The following GTF2H5 variants were observed in gnomAD, a reference collection of about 807,000 sequenced individuals.
GTF2H5 encodes the protein general transcription factor IIH subunit 5, also known as TFB5 ortholog.
In GTF2H5, 5 loss-of-function variants were observed where a neutral mutation model predicts 7.1. That is an observed-to-expected ratio of 0.71 (90% CI 0.37 to 1.49). The LOEUF (loss-of-function observed/expected upper bound fraction) is 1.49. GTF2H5 is among the 40% of genes most tolerant of loss of function. The probability of loss-of-function intolerance (pLI) is 0.03; values close to 1 mark genes in which losing one functional copy is unlikely to be tolerated. For missense variants in GTF2H5, 80 were observed against 83.0 expected (o/e 0.96, Z 0.14); for synonymous variants, 30 against 31.7 (o/e 0.95, Z 0.18).
intron 2 of GTF2H5, among the ~76,000 whole-genome samples, chr6:158,171,025 C>T (rs1451554732): frequency 2.0e-5 from 3 of 152,170 alleles, no homozygotes; most frequent in Non-Finnish European, 2.9e-5. Context: ...TCTGTGGACA[C>T]TCCCATTGTC....
intron 1 of GTF2H5, among the ~76,000 whole-genome samples, chr6:158,169,601 C>CATATA (rs1554267035): frequency 4.5e-5 from 2 of 44,558 alleles, no homozygotes; most frequent in East Asian, 1.5e-3. Flanking sequence ...TTGTATATTA[C>CATATA]ATATATTGTA....
intron 2 of GTF2H5, among the ~76,000 whole-genome samples, chr6:158,187,629 G>A (rs1409290812): frequency 2.6e-5 from 4 of 151,918 alleles, no homozygotes; most frequent in Admixed American, 6.6e-5. Flanking sequence ...GTTCAGTGGC[G>A]CGATCTTGGC....
intron 2 of GTF2H5, among the ~76,000 whole-genome samples, chr6:158,176,035 CT>C (rs1379283928): frequency 6.6e-6 from 1 of 152,164 alleles, no homozygotes; most frequent in East Asian, 1.9e-4. Flanking sequence ...CACAACAGCC[CT>C]TTGAGGTAAG....
At chr6:158,188,260 C>G (rs1382487442) in intron 2 of GTF2H5, among the ~76,000 whole-genome samples, 2 of 152,166 alleles carry the variant, frequency 1.3e-5, no homozygotes, top group Admixed American at 1.3e-4. Flanking sequence ...AGCCATCATA[C>G]CTGTCTACTG....
At chr6:158,174,411 C>T (rs1250300845) in intron 2 of GTF2H5, among the ~76,000 whole-genome samples, 1 of 152,192 alleles carries the variant, frequency 6.6e-6, no homozygotes, top group Non-Finnish European at 1.5e-5. Flanking sequence ...CATTTATTCT[C>T]ACCTTCAGAG....
At chr6:158,184,216 G>A (rs1172419510) in intron 2 of GTF2H5, among the ~76,000 whole-genome samples, 3 of 151,916 alleles carry the variant, frequency 2.0e-5, no homozygotes, top group Admixed American at 6.6e-5. Flanking sequence ...AGTGATTTGG[G>A]TTTTCTGATC....
chr6:158,168,595 C>T (rs1785677556), intron 1 of GTF2H5, among the ~76,000 whole-genome samples, 200 bp downstream of exon 1: 1 of 152,194 alleles, frequency 6.6e-6, no homozygotes, highest in African/African-American at 2.4e-5. Context: ...TCGTGGGTTT[C>T]CTGTGGGGCT....
chr6:158,186,581 A>C (rs907680319), intron 2 of GTF2H5, among the ~76,000 whole-genome samples: 3 of 152,274 alleles, frequency 2.0e-5, no homozygotes, highest in Non-Finnish European at 4.4e-5. Context: ...ACAAGTCTCA[A>C]TCAATTTTGA....
chr6:158,176,851 G>A (rs1237062360), intron 2 of GTF2H5, among the ~76,000 whole-genome samples: 3 of 152,244 alleles, frequency 2.0e-5, no homozygotes, highest in East Asian at 1.9e-4. Flanking sequence ...GGGAAACAAA[G>A]GGATGGGCCA....
intron 2 of GTF2H5, chr6:158,190,563 T>C: frequency 2.6e-6 from 1 of 389,006 alleles, no homozygotes; most frequent in Non-Finnish European, 5.0e-6. Context: ...AGTTAAATCA[T>C]GTCACTTGGT....
intron 2 of GTF2H5, among the ~76,000 whole-genome samples, chr6:158,183,845 C>G (rs1786041769): frequency 6.6e-6 from 1 of 152,204 alleles, no homozygotes; most frequent in African/African-American, 2.4e-5. Context: ...ATCCCCTGAC[C>G]CCTTGCACTT....
intron 2 of GTF2H5, among the ~76,000 whole-genome samples, chr6:158,175,014 G>A (rs1583629685): frequency 8.0e-6 from 1 of 125,520 alleles, no homozygotes; most frequent in South Asian, 2.4e-4. Context: ...CCTGAGATGT[G>A]TGTGTGTGTG....
intron 2 of GTF2H5, among the ~76,000 whole-genome samples, chr6:158,177,769 G>A (rs1785952857): frequency 6.6e-6 from 1 of 152,102 alleles, no homozygotes; most frequent in African/African-American, 2.4e-5. Context: ...GCCTCCCTGT[G>A]TCCATGTGTT....
In GTF2H5 at chr6:158,198,763, C is replaced by T. The variant is rs1244415934; in HGVS notation, c.*6606C>T. The T allele has an allele frequency of 6.6e-6, 1 of 152,176 alleles. No homozygotes were observed. The highest frequency in any genetic ancestry group is 1.5e-5 in the Non-Finnish European group (1 of 68,044). 9.4% of individuals were successfully genotyped at this position (152,176 alleles called of 1,614,324 possible). A position where few individuals can be genotyped will look rare whatever the true frequency, so the allele number is the denominator to read the frequency against. On this transcript the variant is annotated 3_prime_UTR_variant, in exon 3 of 3. Coordinates refer to ENST00000607778, the MANE Select transcript of GTF2H5 (RefSeq NM_207118.3). ...AGATTGCAGGAGCGTTCTCTCGGCT[C>T]ATCTCTTGTTTTCTCACCCAGCTGT...
chr6:158,178,572 G>A (rs2128430046), intron 2 of GTF2H5, among the ~76,000 whole-genome samples: 1 of 151,966 alleles, frequency 6.6e-6, no homozygotes, highest in South Asian at 2.1e-4. Flanking sequence ...ATCTCATTGT[G>A]GTTTTGATTT....
At chr6:158,188,065 T>A (rs1776959905) in intron 2 of GTF2H5, among the ~76,000 whole-genome samples, 2 of 152,206 alleles carry the variant, frequency 1.3e-5, no homozygotes, top group South Asian at 4.1e-4. Flanking sequence ...TATTTTTGGT[T>A]TACAATCCCA....
chr6:158,177,759 G>A (rs1453217507), intron 2 of GTF2H5, among the ~76,000 whole-genome samples: 6 of 152,106 alleles, frequency 3.9e-5, no homozygotes, highest in South Asian at 4.2e-4. Flanking sequence ...TGTGATGATC[G>A]CCTCCCTGTG....
intron 1 of GTF2H5, among the ~76,000 whole-genome samples, chr6:158,169,469 G>A (rs376502767): frequency 0.048 from 2,444 of 51,322 alleles, 260 homozygotes; most frequent in Admixed American, 0.12. Flanking sequence ...ATATTATATT[G>A]TATATTATAT....
At chr6:158,180,238 G>C (rs1413650960) in intron 2 of GTF2H5, among the ~76,000 whole-genome samples, 1 of 152,158 alleles carries the variant, frequency 6.6e-6, no homozygotes, top group Non-Finnish European at 1.5e-5. Flanking sequence ...GATCGTGGTG[G>C]ATAAGCTTTT....
Sources: allele counts gnomAD v4.1 joint callset (sites outside exome capture counted in the v4.1 genomes callset), GRCh38; gene constraint gnomAD v4.1.1; transcripts MANE v1.5; gene names NCBI Gene and HGNC (gene_info 2026-07-23, HGNC 2026-07-21).